ADAM23: variants seen among roughly 807,000 people sequenced by gnomAD.
ADAM23 encodes ADAM metallopeptidase domain 23, also known as disintegrin and metalloproteinase domain-containing protein 23.
Under a neutral mutation model 120.1 loss-of-function variants are expected in ADAM23, and 33 were observed. The ratio of observed to expected loss-of-function variants is 0.27; its 90% CI spans 0.21 to 0.37. The LOEUF is 0.37. Ranked by LOEUF, ADAM23 falls within the 10% of genes least tolerant of loss-of-function variation. The probability of loss-of-function intolerance (pLI) is 1.00; values close to 1 mark genes in which losing one functional copy is unlikely to be tolerated. For synonymous variants in ADAM23, 367 were observed against 375.2 expected (o/e 0.98, Z 0.25); for missense variants, 862 against 1,058.2 (o/e 0.81, Z 2.57).
chr2:206,462,862 T>A (rs1280819227), intron 2 of ADAM23, among the ~76,000 whole-genome samples: 1 of 152,052 alleles, frequency 6.6e-6, no homozygotes. Context: ...AAGCCACTGA[T>A]GGGTTTTAAA....
At chr2:206,483,718 G>T (rs1293249942) in intron 3 of ADAM23, among the ~76,000 whole-genome samples, 1 of 152,134 alleles carries the variant, frequency 6.6e-6, no homozygotes, top group Non-Finnish European at 1.5e-5. Context: ...ATCTAATGAG[G>T]TAAGAGGCAA....
At chr2:206,491,882 T>C (rs1696142148) in intron 3 of ADAM23, among the ~76,000 whole-genome samples, 1 of 152,250 alleles carries the variant, frequency 6.6e-6, no homozygotes, top group South Asian at 2.1e-4. Flanking sequence ...TAAATGGGTT[T>C]CTCATATTGA....
At chr2:206,571,956 G>A (rs989601596) in intron 17 of ADAM23, 140 bp downstream of exon 17, 5 of 638,280 alleles carry the variant, frequency 7.8e-6, no homozygotes, top group East Asian at 5.6e-5. Context: ...TTCTAGGATC[G>A]ATAAATCTCA....
Position 206,535,774 on chromosome 2 carries a change from A to G in ADAM23, c.573+4826A>G, listed in dbSNP as rs1697160163. Reference sequence around the variant, plus strand: ...GAATAGGCAAATTCATAGGAACTGAAAGTAGGTTCATGATTGCCAGGGCCT... The same window carrying G: ...GAATAGGCAAATTCATAGGAACTGAGAGTAGGTTCATGATTGCCAGGGCCT... On this transcript the variant is annotated intron_variant, in intron 4 of 25. Transcript: ENST00000264377. Among the ~76,000 whole-genome samples the G allele has an allele frequency of 3.3e-5, 5 of 152,312 alleles. 1 individual carries two copies. In the South Asian group the frequency reaches 1.0e-3, roughly 32 times the overall value.
intron 3 of ADAM23, among the ~76,000 whole-genome samples, chr2:206,508,252 A>G (rs1273071941): frequency 6.6e-6 from 1 of 152,094 alleles, no homozygotes; most frequent in Admixed American, 6.5e-5. Context: ...GATGGTCTTG[A>G]TCTGACCTCG....
chr2:206,475,190 G>C (rs1289026351), intron 2 of ADAM23, among the ~76,000 whole-genome samples: 1 of 152,158 alleles, frequency 6.6e-6, no homozygotes, highest in Non-Finnish European at 1.5e-5. Context: ...AGTACTTTGA[G>C]ATGATTAAAA....
intron 2 of ADAM23, among the ~76,000 whole-genome samples, chr2:206,446,385 A>G (rs920921948): frequency 2.0e-5 from 3 of 152,224 alleles, no homozygotes; most frequent in Non-Finnish European, 4.4e-5. Context: ...TAGAGTCTGT[A>G]TGTTAAATGT....
chr2:206,447,222 A>T (rs1209858227), intron 2 of ADAM23, among the ~76,000 whole-genome samples: 4 of 152,224 alleles, frequency 2.6e-5, no homozygotes, highest in Non-Finnish European at 5.9e-5. Flanking sequence ...AGGTTTGTTA[A>T]ACCTGTACCC....
Position 206,618,812 on chromosome 2 carries a change from C to T in ADAM23, c.*1185C>T, listed in dbSNP as rs543621648. The stretch of plus-strand genomic sequence containing the variant: ...GAAAATTTTTTGATGTCATTATAAA[C>T]CTATGTAAATAATGTAAGAAAGTAG... On this transcript the variant is annotated 3_prime_UTR_variant, in exon 26 of 26. Coordinates refer to ENST00000264377, the MANE Select transcript of ADAM23 (RefSeq NM_003812.4). The T allele has an allele frequency of 3.0e-4, 46 of 152,122 alleles. No homozygotes were observed. Among genetic ancestry groups the T allele is most frequent in the Non-Finnish European group, 4.9e-4 (33 of 68,022 alleles). 9.4% of individuals were successfully genotyped at this position (152,122 alleles called of 1,614,324 possible).
chr2:206,447,841 G>T (rs760926058), intron 2 of ADAM23, among the ~76,000 whole-genome samples: 6 of 152,260 alleles, frequency 3.9e-5, no homozygotes, highest in Non-Finnish European at 7.4e-5. Context: ...CTTTCTCATG[G>T]ATCCCTAGAC....
intron 9 of ADAM23, among the ~76,000 whole-genome samples, chr2:206,554,991 C>G (rs1697614763): frequency 6.6e-6 from 1 of 152,066 alleles, no homozygotes; most frequent in Non-Finnish European, 1.5e-5. Context: ...TCTTCCTAGT[C>G]TTTAAAATCT....
rs748943848 is a variant in ADAM23, at chr2:206,594,872, C to G, written c.2214C>G (p.Leu738=). Residue 738 remains leucine, a synonymous_variant, in exon 23 of 26, where the codon CTC becomes CTG. Transcript: ENST00000264377. The part of the protein sequence containing the change: ...IQALNMSSCP[L]DSKGKVCSGH... ...CCCTAAATATGAGCAGCTGTCCACT[C>G]GATTCCAAGGGTAAAGTCTGTTCGG... 4 of 1,614,054 alleles carry G rather than the reference C, an allele frequency of 2.5e-6. No homozygotes were observed. The highest frequency in any genetic ancestry group is 3.3e-5 in the Admixed American group (2 of 60,016).
chr2:206,597,234 C>T (rs1698545343), intron 24 of ADAM23, among the ~76,000 whole-genome samples: 1 of 144,140 alleles, frequency 6.9e-6, no homozygotes, highest in African/African-American at 2.6e-5. Context: ...GGCTGGAGTG[C>T]AGCGGTGTGA....
chr2:206,605,814 T>TA (rs1698717703), intron 24 of ADAM23: 1 of 701,760 alleles, frequency 1.4e-6, no homozygotes, highest in African/African-American at 1.7e-5. Context: ...AGCAGGCTAA[T>TA]AGGGGCCGTG....
At chr2:206,559,729 A>T (rs1004177813) in intron 10 of ADAM23, among the ~76,000 whole-genome samples, 1 of 152,182 alleles carries the variant, frequency 6.6e-6, no homozygotes, top group African/African-American at 2.4e-5. Flanking sequence ...TTGCTCTGGG[A>T]TCGAAATAAC....
chr2:206,560,658 C>T (rs984241045), intron 11 of ADAM23, among the ~76,000 whole-genome samples: 2 of 152,124 alleles, frequency 1.3e-5, no homozygotes, highest in African/African-American at 4.8e-5. Context: ...CTATTCTCTT[C>T]CCCAGTCATG....
intron 3 of ADAM23, among the ~76,000 whole-genome samples, chr2:206,528,318 A>C (rs965429639): frequency 6.6e-6 from 1 of 152,192 alleles, no homozygotes; most frequent in Admixed American, 6.6e-5. Context: ...ACCCTGTGAG[A>C]TATTCCCCAT....
At position 206,530,875 on chromosome 2, in the gene ADAM23, T is replaced by C. The variant is rs1697045372; in HGVS notation, c.510-10T>C. The stretch of plus-strand genomic sequence containing the variant: ...GATGCAGAAATCACTCTATTTTCTT[T>C]CCTTTGTAGTGGTTTGTTGTCTTCT... On this transcript the variant is annotated splice_polypyrimidine_tract_variant and intron_variant, in intron 3 of 25. Coordinates refer to ENST00000264377, the MANE Select transcript of ADAM23 (RefSeq NM_003812.4). 1 of 1,612,386 alleles carries C rather than the reference T, an allele frequency of 6.2e-7. No individual in the cohort carries two copies. The highest frequency in any genetic ancestry group is 8.5e-7 in the Non-Finnish European group (1 of 1,178,850).
At chr2:206,500,023 T>G (rs1237226026) in intron 3 of ADAM23, among the ~76,000 whole-genome samples, 2 of 152,162 alleles carry the variant, frequency 1.3e-5, no homozygotes, top group South Asian at 2.1e-4. Context: ...CCTGAAGATA[T>G]GCTGTTTGGA....
Sources: gnomAD v4.1 joint callset for allele counts (sites outside exome capture counted in the v4.1 genomes callset) on GRCh38, gnomAD v4.1.1 for gene constraint, MANE v1.5 for transcripts, NCBI Gene and HGNC (gene_info 2026-07-23, HGNC 2026-07-21) for gene names.